The following USH2A variants were observed in gnomAD, a reference collection of about 807,000 sequenced individuals.
The protein encoded by USH2A is Usher syndrome 2A (autosomal recessive, mild).
In USH2A, 443 loss-of-function variants were observed where a neutral mutation model predicts 538.9. That is an observed-to-expected ratio of 0.82 (90% CI 0.76 to 0.89). The LOEUF is 0.89. Ranked by LOEUF, USH2A falls within the 40% of genes least tolerant of loss-of-function variation. USH2A has a pLI of 0.00. For synonymous variants in USH2A, 2,413 were observed against 2,273.5 expected, an observed-to-expected ratio of 1.06 and a Z score of -1.75; for missense variants, 6,633 against 6,324.8, an observed-to-expected ratio of 1.05 and a Z score of -1.65.
At chr1:216,136,911 T>A (rs533575940) in intron 21 of USH2A, among the ~76,000 whole-genome samples, 6 of 152,264 alleles carry the variant, frequency 3.9e-5, no homozygotes, top group African/African-American at 1.4e-4. Context: ...TGCTGATATC[T>A]TTTTCTCGAA....
chr1:215,978,703 C>G (rs920580246), intron 35 of USH2A, among the ~76,000 whole-genome samples: 1 of 152,016 alleles, frequency 6.6e-6, no homozygotes, highest in African/African-American at 2.4e-5. Flanking sequence ...GGTACAGGAC[C>G]CTCTAGCAGG....
chr1:215,973,865 A>G (rs1275965732), intron 35 of USH2A, among the ~76,000 whole-genome samples: 1 of 151,906 alleles, frequency 6.6e-6, no homozygotes, highest in Non-Finnish European at 1.5e-5. Flanking sequence ...CAACTGCTCA[A>G]AAACTTTTTA....
chr1:216,273,500 A>G (rs1010987949), intron 11 of USH2A, among the ~76,000 whole-genome samples: 1 of 152,110 alleles, frequency 6.6e-6, no homozygotes. Flanking sequence ...AACCTCACAT[A>G]GTTTATTTAA....
At chr1:215,713,025 T>C (rs555006018) in intron 61 of USH2A, among the ~76,000 whole-genome samples, 46 of 152,266 alleles carry the variant, frequency 3.0e-4, no homozygotes, top group African/African-American at 1.1e-3. Context: ...CAGGCTGATC[T>C]CAAACTCCCG....
At chr1:215,881,518 T>C (rs892118912) in intron 41 of USH2A, among the ~76,000 whole-genome samples, 1 of 152,242 alleles carries the variant, frequency 6.6e-6, no homozygotes, top group Non-Finnish European at 1.5e-5. Flanking sequence ...ACATTTATTA[T>C]TGTATATGTG....
chr1:216,362,584 T>G (rs1216399382), intron 4 of USH2A, among the ~76,000 whole-genome samples: 1 of 152,164 alleles, frequency 6.6e-6, no homozygotes, highest in Non-Finnish European at 1.5e-5. Context: ...GACCATATAC[T>G]TCAACCCAGC....
intron 51 of USH2A, among the ~76,000 whole-genome samples, chr1:215,787,485 A>G (rs2102767619): frequency 6.6e-6 from 1 of 152,246 alleles, no homozygotes; most frequent in East Asian, 1.9e-4. Context: ...TTTCTCTGAC[A>G]CATCTCCAGA....
At chr1:216,108,817 A>G (rs2102583758) in intron 21 of USH2A, among the ~76,000 whole-genome samples, 1 of 152,118 alleles carries the variant, frequency 6.6e-6, no homozygotes, top group East Asian at 1.9e-4. Context: ...TAGAGCTATC[A>G]TTTATCTCTT....
chr1:216,011,519 C>G (rs1338843039), intron 32 of USH2A, among the ~76,000 whole-genome samples: 1 of 152,098 alleles, frequency 6.6e-6, no homozygotes, highest in Non-Finnish European at 1.5e-5. Context: ...ACAACAATTC[C>G]TTTCCTTCAT....
intron 30 of USH2A, among the ~76,000 whole-genome samples, chr1:216,064,500 GT>G (rs569843254): frequency 0.026 from 3,717 of 143,098 alleles, 54 homozygotes; most frequent in South Asian, 0.066. Context: ...GCTAGGGATT[GT>G]TTTTTTTTTT....
chr1:215,935,529 T>C (rs1343754640), intron 37 of USH2A, among the ~76,000 whole-genome samples: 2 of 152,042 alleles, frequency 1.3e-5, no homozygotes, highest in Non-Finnish European at 2.9e-5. Context: ...CCAACACCAC[T>C]GTCCTTCCAA....
At chr1:216,090,345 C>T (rs950419122) in intron 22 of USH2A, among the ~76,000 whole-genome samples, 5 of 151,268 alleles carry the variant, frequency 3.3e-5, no homozygotes, top group Admixed American at 6.6e-5. Flanking sequence ...TACAACATGT[C>T]CACTCTACAC....
At chr1:216,039,450 C>A (rs554096495) in intron 32 of USH2A, among the ~76,000 whole-genome samples, 3 of 151,824 alleles carry the variant, frequency 2.0e-5, no homozygotes, top group Admixed American at 6.6e-5. Flanking sequence ...TGGATGAGAC[C>A]GTCATCTTAC....
chr1:215,655,722 A>ATTTTTT (rs1657224342), intron 64 of USH2A, among the ~76,000 whole-genome samples: 1 of 103,692 alleles, frequency 9.6e-6, no homozygotes, highest in South Asian at 3.8e-4. Flanking sequence ...TGTGCTAGTT[A>ATTTTTT]TTCTTTTTTT....
chr1:215,647,575 T>G lies in USH2A; in HGVS notation c.14738A>C (p.Asn4913Thr), dbSNP rs1294957584. The G allele has an allele frequency of 1.2e-6, 2 of 1,614,128 alleles. No individual in the cohort carries two copies. Among genetic ancestry groups the G allele is most frequent in the Admixed American group, 3.3e-5 (2 of 60,006 alleles). The change falls in exon 67 of 72, where the codon AAC becomes ACC. Residue 4913 changes from asparagine to threonine, a missense_variant. Asn to Thr is a moderately conservative substitution (Grantham distance 65). Transcript: ENST00000307340. The part of the protein sequence containing the change: ...TTYKLRVVAH[N>T]EVGSTASEWI... ...CTCGGAAGCCGTACTGCCCACCTCG[T>G]TGTGTGCCACCACTCTCAGCTTGTA...
intron 71 of USH2A, 93 bp from the exon 72 acceptor site, chr1:215,625,963 ATAAGTAT>A: frequency 7.7e-7 from 1 of 1,297,950 alleles, no homozygotes. Flanking sequence ...GTAAAAAGTA[ATAAGTAT>A]TAAAGGCTTT....
intron 51 of USH2A, among the ~76,000 whole-genome samples, chr1:215,787,606 G>A (rs1162522845): frequency 6.6e-6 from 1 of 152,132 alleles, no homozygotes; most frequent in Admixed American, 6.6e-5. Context: ...ATAATGTGGA[G>A]ATCTACTTTG....
rs894856838 is a variant in USH2A, at chr1:215,799,077, A to G, written c.9788T>C (p.Ile3263Thr). Residue 3263 changes from isoleucine to threonine, a missense_variant, in exon 50 of 72, where the codon ATT becomes ACT. Transcript: ENST00000307340. ...CATTCTGCCACAGCAGGAATCACCA[A>G]TGCCAACAGAAACCCGATTGTGCTG... ...DEQHNRVSVG[I>T]GDSCCGRMPY... The G allele has an allele frequency of 1.2e-6, 2 of 1,614,072 alleles. No homozygotes were observed. The highest frequency in any genetic ancestry group is 1.7e-6 in the Non-Finnish European group (2 of 1,179,990).
intron 61 of USH2A, among the ~76,000 whole-genome samples, chr1:215,694,928 T>C (rs1183115976): frequency 6.6e-6 from 1 of 152,250 alleles, no homozygotes; most frequent in African/African-American, 2.4e-5. Flanking sequence ...GATAAAACTT[T>C]AGCAGTCTTC....
Sources: allele counts gnomAD v4.1 joint callset (sites outside exome capture counted in the v4.1 genomes callset), GRCh38; gene constraint gnomAD v4.1.1; transcripts MANE v1.5; gene names NCBI Gene and HGNC (gene_info 2026-07-23, HGNC 2026-07-21).